The following HMG20A variants were observed in gnomAD, a reference collection of about 807,000 sequenced individuals.
HMG20A encodes the protein high mobility group 20A.
HMG20A carries 17 observed loss-of-function variants against 43.9 expected under a neutral mutation model. The ratio of observed to expected loss-of-function variants is 0.39; its 90% CI spans 0.27 to 0.58. The LOEUF (loss-of-function observed/expected upper bound fraction) is 0.58. HMG20A is among the 20% of genes least tolerant of loss of function. HMG20A has a pLI of 0.59. For missense variants in HMG20A, 341 were observed against 438.2 expected, an observed-to-expected ratio of 0.78 and a Z score of 1.98; for synonymous variants, 132 against 147.5, an observed-to-expected ratio of 0.89 and a Z score of 0.76.
At chr15:77,439,492 A>C (rs2073587762) in intron 1 of HMG20A, among the ~76,000 whole-genome samples, 1 of 152,088 alleles carries the variant, frequency 6.6e-6, no homozygotes, top group South Asian at 2.1e-4. Flanking sequence ...TATTCATAGA[A>C]TATTTATTCT....
intron 2 of HMG20A, among the ~76,000 whole-genome samples, chr15:77,460,270 T>C (rs1016201522): frequency 3.3e-5 from 5 of 152,124 alleles, no homozygotes; most frequent in Non-Finnish European, 7.4e-5. Context: ...ATTCTAGATA[T>C]ATTTGAAGGT....
At chr15:77,485,781 A>T (rs2072942046), downstream of HMG20A, among the ~76,000 whole-genome samples, 1 of 152,048 alleles carries the variant, frequency 6.6e-6, no homozygotes, top group Non-Finnish European at 1.5e-5. Context: ...AAAATACAAA[A>T]ATTAGCCGGG....
chr15:77,463,583 CCTT>C (rs2072725938), intron 2 of HMG20A, among the ~76,000 whole-genome samples: 1 of 152,166 alleles, frequency 6.6e-6, no homozygotes, highest in South Asian at 2.1e-4. Flanking sequence ...ATTATCTGTA[CCTT>C]CTTGTGTTCA....
At chr15:77,506,045 C>G in the HMG20A span, among the ~76,000 whole-genome samples, 11 of 149,626 alleles carry the variant, frequency 7.4e-5, no homozygotes, top group Non-Finnish European at 1.0e-4. Context: ...AGGATTTCTA[C>G]CCCCCCACCT....
intron 1 of HMG20A, among the ~76,000 whole-genome samples, chr15:77,432,605 C>A (rs1019365651): frequency 1.6e-4 from 24 of 151,514 alleles, no homozygotes; most frequent in African/African-American, 5.6e-4. Flanking sequence ...GCCTGTAATC[C>A]CAGCTACTCA....
At chr15:77,513,620 C>T in the HMG20A span, among the ~76,000 whole-genome samples, 634 of 152,286 alleles carry the variant, frequency 4.2e-3, 10 homozygotes, top group East Asian at 0.037. Context: ...TAGCTGCTTT[C>T]TCACTGTGTC....
At chr15:77,516,309 C>G in the HMG20A span, among the ~76,000 whole-genome samples, 5 of 152,118 alleles carry the variant, frequency 3.3e-5, no homozygotes, top group African/African-American at 1.2e-4. Context: ...CCATTTCTCA[C>G]AGTTAAGATA....
the HMG20A span, among the ~76,000 whole-genome samples, chr15:77,503,581 G>T: frequency 6.6e-6 from 1 of 152,160 alleles, no homozygotes; most frequent in Non-Finnish European, 1.5e-5. Context: ...CACCCTAGGG[G>T]AGAGGCATTA....
chr15:77,435,522 G>T (rs2073536870), intron 1 of HMG20A, among the ~76,000 whole-genome samples: 1 of 152,040 alleles, frequency 6.6e-6, no homozygotes, highest in South Asian at 2.1e-4. Flanking sequence ...TCAAACACCT[G>T]ACCTCAAGTG....
intron 4 of HMG20A, 27 bp from the exon 5 acceptor site, chr15:77,470,883 G>T: frequency 1.3e-6 from 2 of 1,535,124 alleles, no homozygotes; most frequent in African/African-American, 1.4e-5. Flanking sequence ...TCATTTTCTT[G>T]AAAATAATTC....
Position 77,479,310 on chromosome 15 carries a change from C to T in HMG20A, c.1039C>T (p.Arg347Cys), listed in dbSNP as rs375197616. Residue 347 changes from arginine (R) to cysteine (C), a missense_variant, in exon 9 of 10, where the codon CGT (arginine) becomes TGT (cysteine). Physicochemically the swap from Arg to Cys is radical, Grantham distance 180 (BLOSUM62 -3). Transcript: ENST00000336216. ...TCGAGAAGTTGTGAACAGACTCGAT[C>T]GTTAGGGAATGGTGAGTGCTCACTG... ...TVREVVNRLD[R>C] The T allele has an allele frequency of 5.0e-6, 8 of 1,613,598 alleles. No individual in the cohort carries two copies. The highest frequency in any genetic ancestry group is 1.6e-4 in the Middle Eastern group (1 of 6,084).
intron 1 of HMG20A, among the ~76,000 whole-genome samples, chr15:77,423,377 GT>G (rs1042754398): frequency 2.0e-5 from 3 of 150,720 alleles, no homozygotes; most frequent in Admixed American, 6.6e-5. Context: ...TCCTCCAAAG[GT>G]TTTTTTTTCT....
the HMG20A span, among the ~76,000 whole-genome samples, chr15:77,496,276 C>G: frequency 3.8e-4 from 58 of 152,178 alleles, no homozygotes; most frequent in African/African-American, 1.3e-3. Context: ...ACATATTTCT[C>G]CCACACCATA....
intron 1 of HMG20A, among the ~76,000 whole-genome samples, chr15:77,453,990 C>G (rs762374848): frequency 1.4e-5 from 2 of 147,918 alleles, no homozygotes; most frequent in Middle Eastern, 3.4e-3. Context: ...GGCAACATAG[C>G]GAAACCCTAT....
At chr15:77,438,137 ATTT>A (rs34192592) in intron 1 of HMG20A, among the ~76,000 whole-genome samples, 6 of 113,448 alleles carry the variant, frequency 5.3e-5, no homozygotes, top group East Asian at 2.4e-4. Flanking sequence ...TTTAGTTTTA[ATTT>A]TTTTTTTTTT....
intron 6 of HMG20A, among the ~76,000 whole-genome samples, chr15:77,476,127 A>G (rs1206766294): frequency 3.3e-5 from 5 of 152,130 alleles, no homozygotes; most frequent in Non-Finnish European, 5.9e-5. Flanking sequence ...TTCCCTCTTA[A>G]GCTGTGAACT....
chr15:77,434,623 T>C (rs187062274), intron 1 of HMG20A, among the ~76,000 whole-genome samples: 2 of 152,330 alleles, frequency 1.3e-5, no homozygotes, highest in East Asian at 3.9e-4. Flanking sequence ...CACCCAGCTA[T>C]TTTATTTACA....
chr15:77,436,717 C>G (rs1398754922), intron 1 of HMG20A, among the ~76,000 whole-genome samples: 7 of 152,168 alleles, frequency 4.6e-5, no homozygotes, highest in South Asian at 2.1e-4. Context: ...CCTCAGCCTC[C>G]CAAAGTGCTG....
chr15:77,479,142 G>T, intron 8 of HMG20A, 37 bp from the exon 9 acceptor site: 1 of 1,604,468 alleles, frequency 6.2e-7, no homozygotes, highest in South Asian at 1.1e-5. Flanking sequence ...CAACTGAATA[G>T]GGAGGATTTT....
Sources: allele counts gnomAD v4.1 joint callset (sites outside exome capture counted in the v4.1 genomes callset), GRCh38; gene constraint gnomAD v4.1.1; transcripts MANE v1.5; gene names NCBI Gene and HGNC (gene_info 2026-07-23, HGNC 2026-07-21).